Variants in OR1J2 observed in about 807,000 individuals in gnomAD.
The protein encoded by OR1J2 is olfactory receptor 1J2.
For missense variants in OR1J2, 304 were observed against 246.1 expected (o/e 1.24, Z -1.57); for synonymous variants, 142 against 99.7 (o/e 1.42, Z -2.52).
chr9:122,496,614 G>A, the OR1J2 span, among the ~76,000 whole-genome samples: 173 of 152,266 alleles, frequency 1.1e-3, 1 homozygote, highest in Non-Finnish European at 1.4e-3. Context: ...GGTGGTCAGA[G>A]CACAGTTTGG....
the OR1J2 span, among the ~76,000 whole-genome samples, chr9:122,486,840 C>T: frequency 6.6e-6 from 1 of 152,154 alleles, no homozygotes; most frequent in African/African-American, 2.4e-5. Context: ...TCCAGCAGAG[C>T]ATTGATGGAA....
the OR1J2 span, among the ~76,000 whole-genome samples, chr9:122,555,087 C>T: frequency 6.6e-6 from 1 of 151,914 alleles, no homozygotes; most frequent in South Asian, 2.1e-4. Flanking sequence ...TGTTTTGAAA[C>T]ATGTAGATAT....
chr9:122,501,630 T>G, the OR1J2 span, among the ~76,000 whole-genome samples: 4 of 152,176 alleles, frequency 2.6e-5, no homozygotes, highest in African/African-American at 2.4e-5. Context: ...ACTCCTGAAT[T>G]TTTAGACTTT....
chr9:122,512,003 T>A (rs1828647317), downstream of OR1J2, among the ~76,000 whole-genome samples: 1 of 152,224 alleles, frequency 6.6e-6, no homozygotes, highest in South Asian at 2.1e-4. Flanking sequence ...AATGCAATAA[T>A]ATACAGTTTT....
chr9:122,530,268 T>C, the OR1J2 span, among the ~76,000 whole-genome samples: 137 of 152,284 alleles, frequency 9.0e-4, 1 homozygote, highest in Non-Finnish European at 1.7e-3. Flanking sequence ...TGGGACACAT[T>C]GCACTGTGAT....
chr9:122,560,026 A>T, the OR1J2 span, among the ~76,000 whole-genome samples: 88,266 of 151,944 alleles, frequency 0.58, 26,148 homozygotes, highest in East Asian at 0.97. Context: ...ATTGGGTGCA[A>T]ATATATTTAA....
chr9:122,512,301 T>C (rs1828650862), downstream of OR1J2, among the ~76,000 whole-genome samples: 1 of 152,232 alleles, frequency 6.6e-6, no homozygotes, highest in South Asian at 2.1e-4. Flanking sequence ...AAATGAAGAA[T>C]GAAAAGTAAC....
the OR1J2 span, chr9:122,475,936 T>G: frequency 3.3e-5 from 5 of 152,238 alleles, no homozygotes; most frequent in Non-Finnish European, 7.3e-5. Flanking sequence ...CTACACTGAG[T>G]CACTCTGGAA....
the OR1J2 span, chr9:122,526,391 C>T: frequency 6.6e-7 from 1 of 1,506,634 alleles, no homozygotes; most frequent in Non-Finnish European, 8.9e-7. Flanking sequence ...GACTGAAGAG[C>T]CTCTTTAGGG....
chr9:122,570,003 A>G, the OR1J2 span, among the ~76,000 whole-genome samples: 1 of 148,090 alleles, frequency 6.8e-6, no homozygotes, highest in African/African-American at 2.5e-5. Flanking sequence ...TACAAAGGAC[A>G]TGAACTCATC....
At chr9:122,550,874 A>G in the OR1J2 span, among the ~76,000 whole-genome samples, 49 of 152,232 alleles carry the variant, frequency 3.2e-4, no homozygotes, top group African/African-American at 1.1e-3. Context: ...ACTCCTATTC[A>G]ACATGATACT....
chr9:122,542,289 A>T, the OR1J2 span, among the ~76,000 whole-genome samples: 1 of 152,242 alleles, frequency 6.6e-6, no homozygotes, highest in Non-Finnish European at 1.5e-5. Flanking sequence ...AGTAAAGCTG[A>T]CAGAAATATG....
the OR1J2 span, among the ~76,000 whole-genome samples, chr9:122,580,370 G>A: frequency 2.6e-5 from 4 of 152,084 alleles, no homozygotes; most frequent in African/African-American, 4.8e-5. Context: ...ACTAGAATGC[G>A]GTCAGAATGA....
chr9:122,574,581 A>AT, the OR1J2 span, among the ~76,000 whole-genome samples: 9 of 151,926 alleles, frequency 5.9e-5, no homozygotes, highest in South Asian at 8.3e-4. Flanking sequence ...AGTTCCAGGA[A>AT]TTTTTTTGTC....
chr9:122,521,132 A>G, the OR1J2 span, among the ~76,000 whole-genome samples: 1 of 152,218 alleles, frequency 6.6e-6, no homozygotes, highest in Non-Finnish European at 1.5e-5. Context: ...GTTCTGCAAC[A>G]CCTAACATAT....
the OR1J2 span, among the ~76,000 whole-genome samples, chr9:122,481,836 TCCTTTA>T: frequency 6.6e-6 from 1 of 152,166 alleles, no homozygotes; most frequent in Non-Finnish European, 1.5e-5. Flanking sequence ...TAGACCCCTA[TCCTTTA>T]TCATATATAA....
At chr9:122,555,014 C>G in the OR1J2 span, among the ~76,000 whole-genome samples, 1 of 152,122 alleles carries the variant, frequency 6.6e-6, no homozygotes, top group African/African-American at 2.4e-5. Context: ...AGTCACAAAG[C>G]TTAACAATGG....
At chr9:122,524,279 A>G in the OR1J2 span, among the ~76,000 whole-genome samples, 1 of 152,344 alleles carries the variant, frequency 6.6e-6, no homozygotes, top group Admixed American at 6.5e-5. Context: ...AGGCCATCCC[A>G]TCTAGGTTTG....
At chr9:122,497,195 C>T in the OR1J2 span, among the ~76,000 whole-genome samples, 1 of 152,130 alleles carries the variant, frequency 6.6e-6, no homozygotes, top group Non-Finnish European at 1.5e-5. Context: ...TGATCCAGTT[C>T]CTTCAAAGGG....
Sources: allele counts gnomAD v4.1 joint callset (sites outside exome capture counted in the v4.1 genomes callset), GRCh38; gene constraint gnomAD v4.1.1; transcripts MANE v1.5; gene names NCBI Gene and HGNC (gene_info 2026-07-23, HGNC 2026-07-21).